COL1A2: variants seen among roughly 807,000 people sequenced by gnomAD.
The protein encoded by COL1A2 is collagen alpha-2(I) chain.
COL1A2 carries 49 observed loss-of-function variants against 174.3 expected under a neutral mutation model. That is an observed-to-expected ratio of 0.28 (90% CI 0.22 to 0.36). The LOEUF (loss-of-function observed/expected upper bound fraction) is 0.36, where lower values mean the gene tolerates loss of function less well. Among genes scored for constraint, COL1A2 ranks in the 10% least tolerant of loss-of-function variants. The probability of loss-of-function intolerance (pLI) is 1.00; values close to 1 mark genes in which losing one functional copy is unlikely to be tolerated. For synonymous variants in COL1A2, 655 were observed against 606.6 expected, an observed-to-expected ratio of 1.08 and a Z score of -1.17; for missense variants, 1,438 against 1,822.7, an observed-to-expected ratio of 0.79 and a Z score of 3.84.
At chr7:94,399,864 G>T (rs1791652596) in intron 4 of COL1A2, among the ~76,000 whole-genome samples, 1 of 152,118 alleles carries the variant, frequency 6.6e-6, no homozygotes. Flanking sequence ...AAAATACGAT[G>T]TAAGTCCTTG....
intron 30 of COL1A2, among the ~76,000 whole-genome samples, chr7:94,415,723 T>A (rs1373766015): frequency 6.6e-6 from 1 of 152,186 alleles, no homozygotes; most frequent in Non-Finnish European, 1.5e-5. Flanking sequence ...TAATTTGCCC[T>A]GAAAGTATTC....
At chr7:94,424,874 G>A in intron 41 of COL1A2, 1 of 551,574 alleles carries the variant, frequency 1.8e-6, no homozygotes, top group Non-Finnish European at 3.2e-6. Context: ...TTGGGATACT[G>A]AATGACACGA....
chr7:94,417,542 T>C, intron 31 of COL1A2, 182 bp from the exon 32 acceptor site: 1 of 620,082 alleles, frequency 1.6e-6, no homozygotes, highest in Non-Finnish European at 2.9e-6. Context: ...TCAGTCACCA[T>C]GTCATTAACA....
intron 35 of COL1A2, 42 bp downstream of exon 35, chr7:94,420,328 A>G (rs1792131258): frequency 6.2e-7 from 1 of 1,614,116 alleles, no homozygotes; most frequent in African/African-American, 1.3e-5. Flanking sequence ...CACACCTCAC[A>G]ATGTTTAGAC....
chr7:94,417,711 T>G lies in COL1A2; in HGVS notation c.1864-13T>G. The G allele has an allele frequency of 1.9e-6, 3 of 1,571,506 alleles. No individual in the cohort carries two copies. Among genetic ancestry groups the G allele is most frequent in the Non-Finnish European group, 2.6e-6 (3 of 1,155,338 alleles). On this transcript the variant is annotated splice_polypyrimidine_tract_variant and intron_variant, in intron 31 of 51. Coordinates refer to ENST00000297268, the MANE Select transcript of COL1A2 (RefSeq NM_000089.4). Reference sequence around the variant, plus strand: ...TCTCCACTAAAATTGATTTCACATGTGTTTGACTCAAGGGTGAACCTGGTG... The same window carrying G: ...TCTCCACTAAAATTGATTTCACATGGGTTTGACTCAAGGGTGAACCTGGTG...
At position 94,410,923 on chromosome 7, in the gene COL1A2, A is replaced by C; in HGVS notation, c.1232A>C (p.Asp411Ala). 6.2e-7 allele frequency: 1 copy of C among 1,613,760 alleles called. No homozygotes were observed. The highest frequency in any genetic ancestry group is 8.5e-7 in the Non-Finnish European group (1 of 1,179,956). Reference protein sequence around the residue: ...SPGSRGLPGADGRAGVMGPPG... With the variant: ...SPGSRGLPGAAGRAGVMGPPG... The stretch of plus-strand genomic sequence containing the variant: ...GGTTCTCGTGGTCTTCCTGGAGCTG[A>C]TGGCAGAGCTGGCGTCATGGTAAGC... Residue 411 changes from aspartate to alanine, a missense_variant, in exon 22 of 52, where the codon GAT becomes GCT. By Grantham distance (126) the Asp-to-Ala change is moderately radical. Around this residue, in one of 3 missense-constraint regions of COL1A2, gnomAD observed 867 missense variants for 1,213.7 expected, o/e 0.71. Transcript: ENST00000297268.
At chr7:94,411,259 G>A (rs1791917176) in intron 23 of COL1A2, 105 bp downstream of exon 23, 15 of 928,654 alleles carry the variant, frequency 1.6e-5, no homozygotes, top group Non-Finnish European at 2.5e-5. Context: ...AAGTAAATTT[G>A]TTAGTAGTCT....
Position 94,420,648 on chromosome 7 carries a change from T to G in COL1A2, c.2295T>G (p.Ala765=). 2.5e-6 allele frequency: 4 copies of G among 1,588,694 alleles called. No homozygotes were observed. The highest frequency in any genetic ancestry group is 3.4e-6 in the Non-Finnish European group (4 of 1,167,000). ...GCCCCGTTGGAGCTGCTGGCCCAGC[T>G]GTAAGTTGAATTCACTGGTGGTCCA... ...PTGPVGAAGP[A]GPNGPPGPAG... is the part of the protein sequence containing the mutation. Residue 765 remains alanine, a splice_region_variant and synonymous_variant, in exon 37 of 52, where the codon GCT becomes GCG. Coordinates refer to ENST00000297268, the MANE Select transcript of COL1A2 (RefSeq NM_000089.4).
chr7:94,397,649 C>A, intron 1 of COL1A2, 99 bp from the exon 2 acceptor site: 3 of 691,904 alleles, frequency 4.3e-6, no homozygotes, highest in South Asian at 3.6e-5. Flanking sequence ...TTAGGTAATT[C>A]AATTCTATAA....
intron 33 of COL1A2, among the ~76,000 whole-genome samples, chr7:94,418,819 A>C (rs1792095621): frequency 1.3e-5 from 2 of 151,994 alleles, no homozygotes; most frequent in Admixed American, 6.6e-5. Context: ...CTATAGACCA[A>C]AAGCTTTAGG....
chr7:94,410,583 C>A, intron 21 of COL1A2, 56 bp downstream of exon 21: 1 of 1,420,652 alleles, frequency 7.0e-7, no homozygotes, highest in South Asian at 1.2e-5. Flanking sequence ...TATGATACCC[C>A]TTCACTGGGA....
chr7:94,414,541 T>C (rs1268032515), intron 29 of COL1A2, among the ~76,000 whole-genome samples: 2 of 152,246 alleles, frequency 1.3e-5, no homozygotes, highest in South Asian at 2.1e-4. Context: ...GCCTTACTTT[T>C]TGTATTGTTC....
Position 94,410,928 on chromosome 7 carries a change from A to G in COL1A2, c.1237A>G (p.Arg413Gly). ...GSRGLPGADGRAGVMGPPGSR... is the reference protein window; with the variant it reads ...GSRGLPGADGGAGVMGPPGSR... ...TCGTGGTCTTCCTGGAGCTGATGGCAGAGCTGGCGTCATGGTAAGCTGTCT... is the reference window on the plus strand; with the variant it reads ...TCGTGGTCTTCCTGGAGCTGATGGCGGAGCTGGCGTCATGGTAAGCTGTCT... Residue 413 changes from arginine to glycine, a missense_variant, in exon 22 of 52, where the codon AGA becomes GGA. By Grantham distance (125) the Arg-to-Gly change is moderately radical. Transcript: ENST00000297268. 1 of 1,613,958 alleles carries G rather than the reference A, an allele frequency of 6.2e-7. No individual in the cohort carries two copies. The highest frequency in any genetic ancestry group is 8.5e-7 in the Non-Finnish European group (1 of 1,180,004).
Position 94,425,862 on chromosome 7 carries a change from G to C in COL1A2, c.2943+5G>C. On this transcript the variant is annotated splice_donor_5th_base_variant and intron_variant, in intron 44 of 51. Transcript: ENST00000297268. ...CATGGAAACCGTGGTGAAACTGTAA[G>C]TTTGTGAATACCAGTCCCTCAGTGC... 6.2e-7 allele frequency: 1 copy of C among 1,608,752 alleles called. No individual in the cohort carries two copies. The highest frequency in any genetic ancestry group is 8.5e-7 in the Non-Finnish European group (1 of 1,177,268).
chr7:94,427,460 T>C (rs923995612), intron 48 of COL1A2, 165 bp downstream of exon 48: 6 of 1,056,056 alleles, frequency 5.7e-6, no homozygotes, highest in Non-Finnish European at 7.1e-6. Flanking sequence ...GTTAAGTCCA[T>C]CCCTGCAAGT....
intron 40 of COL1A2, 100 bp downstream of exon 40, chr7:94,423,218 G>A (rs915508479): frequency 3.6e-6 from 5 of 1,407,002 alleles, no homozygotes; most frequent in South Asian, 1.2e-5. Context: ...GATGAGTATT[G>A]CAGGCTCTCA....
chr7:94,417,116 A>C (rs1263869690), intron 31 of COL1A2, among the ~76,000 whole-genome samples: 1 of 152,212 alleles, frequency 6.6e-6, no homozygotes, highest in African/African-American at 2.4e-5. Flanking sequence ...TAGTTGCAAA[A>C]AGCTATTTTA....
Position 94,414,336 on chromosome 7 carries a change from A to C in COL1A2, c.1719+61A>C, listed in dbSNP as rs1160820311. ...AAACTTGAGAATTTCCCCCTGTTTA[A>C]TACCCCACTGCTATGCAATTATAAT... On this transcript the variant is annotated intron_variant, in intron 29 of 51. Transcript: ENST00000297268. The C allele has an allele frequency of 3.7e-6, 5 of 1,359,668 alleles. No homozygotes were observed. In the East Asian group the frequency reaches 1.1e-4, roughly 31 times the overall value. 84.2% of individuals were successfully genotyped at this position (1,359,668 alleles called of 1,614,324 possible). A position where few individuals can be genotyped will look rare whatever the true frequency, so the allele number is the denominator to read the frequency against.
rs375025298 is a variant in COL1A2 at position 94,401,387 on chromosome 7, A to G, written c.226-180A>G. Among the ~76,000 whole-genome samples the G allele has an allele frequency of 2.6e-5, 4 of 152,198 alleles. No individual in the cohort carries two copies. In the East Asian group the frequency reaches 5.8e-4, roughly 22 times the overall value. On this transcript the variant is annotated intron_variant, in intron 5 of 51. Coordinates refer to ENST00000297268, the MANE Select transcript of COL1A2 (RefSeq NM_000089.4). ...GCCAAGTTTTTGACGTACAGCTCTCATAACTTTTTAGGAATTTAGTTCAAT... is the reference window on the plus strand; with the variant it reads ...GCCAAGTTTTTGACGTACAGCTCTCGTAACTTTTTAGGAATTTAGTTCAAT...
Sources: allele counts gnomAD v4.1 joint callset (sites outside exome capture counted in the v4.1 genomes callset), GRCh38; gene constraint gnomAD v4.1.1; regional missense constraint gnomAD v4.1.1; transcripts MANE v1.5; gene names NCBI Gene and HGNC (gene_info 2026-07-23, HGNC 2026-07-21).